The following NPR2 variants were observed in gnomAD, a reference collection of about 807,000 sequenced individuals.
The protein encoded by NPR2 is natriuretic peptide receptor 2.
Under a neutral mutation model 120.7 loss-of-function variants are expected in NPR2, and 49 were observed. The observed-to-expected ratio is 0.41, with a 90% confidence interval of 0.32 to 0.52. The LOEUF is 0.52. NPR2 is among the 20% of genes least tolerant of loss of function. The probability of loss-of-function intolerance (pLI) is 0.36; values close to 1 mark genes in which losing one functional copy is unlikely to be tolerated. For missense variants in NPR2, 931 were observed against 1,362.9 expected, an observed-to-expected ratio of 0.68 and a Z score of 4.99; for synonymous variants, 484 against 519.8, an observed-to-expected ratio of 0.93 and a Z score of 0.94.
At chr9:35,798,074 A>C (rs1264536095) in intron 2 of NPR2, among the ~76,000 whole-genome samples, 4 of 152,232 alleles carry the variant, frequency 2.6e-5, no homozygotes, top group Non-Finnish European at 5.9e-5. Context: ...GGTCCTTAAT[A>C]ATTTTTAAGA....
chr9:35,792,881 G>A lies in NPR2; in HGVS notation c.473G>A (p.Gly158Glu). ...KLGEFVVTLH[G>E]HFNWTARAAL... ...GGTGAGTTTGTGGTGACACTACACG[G>A]GCACTTCAATTGGACTGCCCGTGCT... Residue 158 changes from glycine (G) to glutamate (E), a missense_variant, in exon 1 of 22, where the codon GGG (glycine) becomes GAG (glutamate). Gly to Glu is a moderately conservative substitution (Grantham distance 98, BLOSUM62 -2). Transcript: ENST00000342694. The A allele has an allele frequency of 1.9e-6, 3 of 1,614,134 alleles. No individual in the cohort carries two copies. In the East Asian group the frequency reaches 6.7e-5, roughly 36 times the overall value.
At position 35,797,401 on chromosome 9, in the gene NPR2, T is replaced by C. The variant is rs118082810; in HGVS notation, c.874-2217T>C. On this transcript the variant is annotated intron_variant, in intron 2 of 21. Coordinates refer to ENST00000342694, the MANE Select transcript of NPR2 (RefSeq NM_003995.4). The stretch of plus-strand genomic sequence containing the variant: ...CACAACCTACATGACCAGCATGAGA[T>C]TGGGTTACACACAGGGAGCACCAGC... Among the ~76,000 whole-genome samples the C allele has an allele frequency of 1.4e-4, 22 of 152,270 alleles. No individual in the cohort carries two copies. In the East Asian group the frequency reaches 3.5e-3, roughly 24 times the overall value.
rs779730782 is a variant in NPR2, at chr9:35,801,083, C to T, written c.1365C>T (p.Thr455=). Reference sequence around the variant, plus strand: ...TTTCCCCTTCAGCTCCACTTTCAACCCTGGCAATTGTGGCTCTGGGCACAG... The same window carrying T: ...TTTCCCCTTCAGCTCCACTTTCAACTCTGGCAATTGTGGCTCTGGGCACAG... ...DPSCDKTPLS[T]LAIVALGTGI... The change falls in exon 7 of 22, where the codon ACC becomes ACT. Residue 455 remains threonine (T), a synonymous_variant. Coordinates refer to ENST00000342694, the MANE Select transcript of NPR2 (RefSeq NM_003995.4). 9.3e-6 allele frequency: 15 copies of T among 1,613,830 alleles called. No homozygotes were observed. In the South Asian group the frequency reaches 1.3e-4, roughly 14 times the overall value.
At position 35,808,858 on chromosome 9, in the gene NPR2, G is replaced by C. The variant is rs780328470; in HGVS notation, c.2986+5G>C. ...GAATGGAGTCTAATGGTCAAGGTAA[G>C]ACATTAGCCCTCAACCCCACTGTTG... On this transcript the variant is annotated splice_donor_5th_base_variant and intron_variant, in intron 20 of 21. Coordinates refer to ENST00000342694, the MANE Select transcript of NPR2 (RefSeq NM_003995.4). The surrounding 1 kb of genome is among the most constrained non-coding windows in gnomAD (Gnocchi z 4.0). The C allele has an allele frequency of 1.1e-5, 17 of 1,534,858 alleles. No individual in the cohort carries two copies. Among genetic ancestry groups the C allele is most frequent in the Admixed American group, 1.7e-5 (1 of 59,924 alleles).
Position 35,800,701 on chromosome 9 carries a change from C to T in NPR2, c.1219-8C>T. On this transcript the variant is annotated splice_region_variant and splice_polypyrimidine_tract_variant and intron_variant, in intron 5 of 21. Transcript: ENST00000342694. This position sits in a 1 kb window ranked among gnomAD's most constrained non-coding sequence, Gnocchi z 4.7. ...GGCCTGTGGGCCCAGCTTTTTGCTT[C>T]CTTACAGCCTGCAGCCCACTACTCG... 1 of 1,614,128 alleles carries T rather than the reference C, an allele frequency of 6.2e-7. No homozygotes were observed. Among genetic ancestry groups the T allele is most frequent in the Non-Finnish European group, 8.5e-7 (1 of 1,180,018 alleles).
In NPR2 at chr9:35,806,262, C is replaced by T. The variant is rs781393051; in HGVS notation, c.2372+29C>T. The T allele has an allele frequency of 6.2e-7, 1 of 1,613,804 alleles. No homozygotes were observed. The highest frequency in any genetic ancestry group is 1.1e-5 in the South Asian group (1 of 91,068). On this transcript the variant is annotated intron_variant, in intron 15 of 21. Coordinates refer to ENST00000342694, the MANE Select transcript of NPR2 (RefSeq NM_003995.4). This position sits in a 1 kb window ranked among gnomAD's most constrained non-coding sequence, Gnocchi z 4.6. ...AGAGGGCATTATGGGGCAGGGGCTT[C>T]CCAGGGATAGAAGACTCATTAGTCC...
rs778110902 is a variant in NPR2, at chr9:35,805,781, G to C, written c.2048-49G>C. On this transcript the variant is annotated intron_variant, in intron 13 of 21. Coordinates refer to ENST00000342694, the MANE Select transcript of NPR2 (RefSeq NM_003995.4). The surrounding 1 kb of genome is among the most constrained non-coding windows in gnomAD (Gnocchi z 4.9). ...TATAGGGATGAGCCCAGGTGGGCTT[G>C]GGGGTGCCCCATTTCGGGGGACCTG... 78 of 1,609,392 alleles carry C rather than the reference G, an allele frequency of 4.8e-5. No individual in the cohort carries two copies. Among genetic ancestry groups the C allele is most frequent in the Non-Finnish European group, 6.3e-5 (74 of 1,176,518 alleles).
chr9:35,802,112 T>C lies in NPR2; in HGVS notation c.1633-94T>C, dbSNP rs1403311224. 1 of 1,321,714 alleles carries C rather than the reference T, an allele frequency of 7.6e-7. No homozygotes were observed. The highest frequency in any genetic ancestry group is 1.4e-5 in the African/African-American group (1 of 69,108). 81.9% of individuals were successfully genotyped at this position (1,321,714 alleles called of 1,614,324 possible). On this transcript the variant is annotated intron_variant, in intron 9 of 21. Transcript: ENST00000342694. This position sits in a 1 kb window ranked among gnomAD's most constrained non-coding sequence, Gnocchi z 4.2. ...TCATACCCGACTCTCTGTGCCCAGC[T>C]GAGCTCCTGGGTGCTTCCACTGCTC...
chr9:35,793,804 C>G, intron 1 of NPR2, 94 bp from the exon 2 acceptor site: 1 of 1,277,862 alleles, frequency 7.8e-7, no homozygotes, highest in Non-Finnish European at 1.1e-6. Flanking sequence ...CTCTTTCTTG[C>G]TGAAGAGGGA....
intron 3 of NPR2, 65 bp from the exon 4 acceptor site, chr9:35,799,957 C>T: frequency 6.2e-7 from 1 of 1,608,492 alleles, no homozygotes; most frequent in Non-Finnish European, 8.5e-7. Flanking sequence ...GAAGGGAGAC[C>T]CCAGAGAGAG....
In NPR2 at chr9:35,800,162, T is replaced by A. The variant is rs747319842; in HGVS notation, c.1123+5T>A. The A allele has an allele frequency of 4.3e-6, 7 of 1,612,842 alleles. No homozygotes were observed. Among genetic ancestry groups the A allele is most frequent in the Non-Finnish European group, 5.9e-6 (7 of 1,178,938 alleles). Reference sequence around the variant, plus strand: ...TGCAGGGACGAAGATATCACGGTAATGAAGAGGGGTCAATGGGGGTCTGAG... The same window carrying A: ...TGCAGGGACGAAGATATCACGGTAAAGAAGAGGGGTCAATGGGGGTCTGAG... On this transcript the variant is annotated splice_donor_5th_base_variant and intron_variant, in intron 4 of 21. Coordinates refer to ENST00000342694, the MANE Select transcript of NPR2 (RefSeq NM_003995.4). This position sits in a 1 kb window ranked among gnomAD's most constrained non-coding sequence, Gnocchi z 4.7.
At position 35,809,217 on chromosome 9, in the gene NPR2, G is replaced by A. The variant is rs386352338; in HGVS notation, c.3048G>A (p.Gln1016=). 1 of 1,613,834 alleles carries A rather than the reference G, an allele frequency of 6.2e-7. No homozygotes were observed. Among genetic ancestry groups the A allele is most frequent in the South Asian group, 1.1e-5 (1 of 91,074 alleles). ...KDALDELGCF[Q]LELRGDVEMK... ...CCCTAGATGAGCTAGGATGCTTCCA[G>A]CTAGAGCTTCGGGGGGATGTGGAAA... The change falls in exon 21 of 22, where the codon CAG becomes CAA. Residue 1016 remains glutamine, a synonymous_variant. Transcript: ENST00000342694. This position sits in a 1 kb window ranked among gnomAD's most constrained non-coding sequence, Gnocchi z 4.1.
rs1588061312 is a variant in NPR2 at position 35,802,322 on chromosome 9, G to C, written c.1710+39G>C. The C allele has an allele frequency of 8.2e-7, 1 of 1,221,018 alleles. No individual in the cohort carries two copies. The highest frequency in any genetic ancestry group is 2.3e-5 in the East Asian group (1 of 43,132). The allele number at this position is 1,221,018 out of a possible 1,614,324, so 75.6% of individuals were successfully genotyped here. On this transcript the variant is annotated intron_variant, in intron 10 of 21. Coordinates refer to ENST00000342694, the MANE Select transcript of NPR2 (RefSeq NM_003995.4). The surrounding 1 kb of genome is among the most constrained non-coding windows in gnomAD (Gnocchi z 4.2). ...GATGGACTCTAACATGTATGTAATG[G>C]AGGAGTGGGGAAAACTATGAAATAG...
chr9:35,805,609 C>G lies in NPR2; in HGVS notation c.1986C>G (p.Asp662Glu). The G allele has an allele frequency of 6.2e-7, 1 of 1,614,250 alleles. No individual in the cohort carries two copies. The highest frequency in any genetic ancestry group is 8.5e-7 in the Non-Finnish European group (1 of 1,180,054). ...VDSRFVLKITDYGLASFRSTA... is the reference protein window; with the variant it reads ...VDSRFVLKITEYGLASFRSTA... ...GTCGTTTTGTGCTCAAAATCACAGA[C>G]TATGGCCTGGCCAGCTTCCGATCAA... The change falls in exon 13 of 22, where the codon GAC (aspartate) becomes GAG (glutamate). Residue 662 changes from aspartate to glutamate, a missense_variant. This residue lies in a region of NPR2 where 681 missense variants were observed against 974.3 expected (regional missense o/e 0.70). Transcript: ENST00000342694. This position sits in a 1 kb window ranked among gnomAD's most constrained non-coding sequence, Gnocchi z 4.9.
At position 35,802,304 on chromosome 9, in the gene NPR2, T is replaced by C; in HGVS notation, c.1710+21T>C. The C allele has an allele frequency of 7.0e-7, 1 of 1,432,992 alleles. No homozygotes were observed. 88.8% of individuals were successfully genotyped at this position (1,432,992 alleles called of 1,614,324 possible). A position where few individuals can be genotyped will look rare whatever the true frequency, so the allele number is the denominator to read the frequency against. ...AACATGTATGTAACAGAGGATGGAC[T>C]CTAACATGTATGTAATGGAGGAGTG... On this transcript the variant is annotated intron_variant, in intron 10 of 21. Coordinates refer to ENST00000342694, the MANE Select transcript of NPR2 (RefSeq NM_003995.4). The surrounding 1 kb of genome is among the most constrained non-coding windows in gnomAD (Gnocchi z 4.2).
chr9:35,808,105 A>G lies in NPR2; in HGVS notation c.2713-404A>G, dbSNP rs1828508799. On this transcript the variant is annotated intron_variant, in intron 18 of 21. Transcript: ENST00000342694. The surrounding 1 kb of genome is among the most constrained non-coding windows in gnomAD (Gnocchi z 4.0). The stretch of plus-strand genomic sequence containing the variant: ...GCTTTGGCACAATTACCAAAATCAA[A>G]TGCCTGCTTTCCTCCTCTCTGACAG... 1 of 1,177,170 alleles carries G rather than the reference A, an allele frequency of 8.5e-7. No individual in the cohort carries two copies. The highest frequency in any genetic ancestry group is 1.7e-5 in the Admixed American group (1 of 57,222). 72.9% of individuals were successfully genotyped at this position (1,177,170 alleles called of 1,614,324 possible).
chr9:35,805,571 T>C lies in NPR2; in HGVS notation c.1948T>C (p.Cys650Arg). The C allele has an allele frequency of 6.2e-7, 1 of 1,614,100 alleles. No homozygotes were observed. The stretch of plus-strand genomic sequence containing the variant: ...GCATGGGAGTCTCAAGTCCTCCAAC[T>C]GTGTGGTGGATAGTCGTTTTGTGCT... The part of the protein sequence containing the change: ...SSHGSLKSSN[C>R]VVDSRFVLKI... Residue 650 changes from cysteine (C) to arginine (R), a missense_variant, in exon 13 of 22, where the codon TGT becomes CGT. Transcript: ENST00000342694. The surrounding 1 kb of genome is among the most constrained non-coding windows in gnomAD (Gnocchi z 4.9).
rs749008026 is a variant in NPR2 at position 35,794,058 on chromosome 9, C to T, written c.828C>T (p.Asp276=). Residue 276 remains aspartate (D), a synonymous_variant, in exon 2 of 22, where the codon GAC becomes GAT. Coordinates refer to ENST00000342694, the MANE Select transcript of NPR2 (RefSeq NM_003995.4). ...GTGCTACAGGCCGGCCCTGGCAGGA[C>T]AATCGCACCCGGGAACAGGCCCAGG... ...PTRATGRPWQ[D]NRTREQAQAL... is the part of the protein sequence containing the mutation. 2 of 1,614,210 alleles carry T rather than the reference C, an allele frequency of 1.2e-6. No individual in the cohort carries two copies. Among genetic ancestry groups the T allele is most frequent in the Non-Finnish European group, 1.7e-6 (2 of 1,180,040 alleles).
In NPR2 at chr9:35,805,797, G is replaced by A. The variant is rs112431807; in HGVS notation, c.2048-33G>A. ...GGTGGGCTTGGGGGTGCCCCATTTC[G>A]GGGGACCTGGCCAGCCGGTTTCCTC... On this transcript the variant is annotated intron_variant, in intron 13 of 21. Transcript: ENST00000342694. The surrounding 1 kb of genome is among the most constrained non-coding windows in gnomAD (Gnocchi z 4.9). The A allele has an allele frequency of 5.6e-6, 9 of 1,612,932 alleles. No individual in the cohort carries two copies. Among genetic ancestry groups the A allele is most frequent in the South Asian group, 3.3e-5 (3 of 91,050 alleles).
Sources: allele counts gnomAD v4.1 joint callset (sites outside exome capture counted in the v4.1 genomes callset), GRCh38; gene constraint gnomAD v4.1.1; regional missense constraint gnomAD v4.1.1; non-coding constraint Gnocchi (gnomAD v3.1); transcripts MANE v1.5; gene names NCBI Gene and HGNC (gene_info 2026-07-23, HGNC 2026-07-21).